Variants in R3HCC1L observed in about 807,000 individuals in gnomAD.
The protein encoded by R3HCC1L is coiled-coil domain-containing protein R3HCC1L.
In R3HCC1L, 51 loss-of-function variants were observed where a neutral mutation model predicts 59.9. The observed-to-expected ratio is 0.85, with a 90% confidence interval of 0.68 to 1.07. The LOEUF (loss-of-function observed/expected upper bound fraction) is 1.07, where lower values mean the gene tolerates loss of function less well. R3HCC1L is among the 50% of genes least tolerant of loss of function. The pLI is 0.00. For missense variants in R3HCC1L, 965 were observed against 933.0 expected (o/e 1.03, Z -0.45); for synonymous variants, 322 against 315.2 (o/e 1.02, Z -0.23).
chr10:98,230,258 A>C (rs1255028944), intron 5 of R3HCC1L, among the ~76,000 whole-genome samples: 6 of 152,050 alleles, frequency 3.9e-5, no homozygotes, highest in African/African-American at 1.4e-4. Flanking sequence ...TCAATTTCAG[A>C]TCCTGTTATT....
rs371662883 is a variant in R3HCC1L, at chr10:98,159,465, G to A, written c.-213+3318G>A. Among the ~76,000 whole-genome samples the A allele has an allele frequency of 3.3e-5, 5 of 152,226 alleles. No individual in the cohort carries two copies. In the South Asian group the frequency reaches 1.0e-3, roughly 32 times the overall value. Reference sequence around the variant, plus strand: ...TTTAAAGTATTTTGTGTAAAAATACGTAGATACTTGGTAAATATCCTGTCA... The same window carrying A: ...TTTAAAGTATTTTGTGTAAAAATACATAGATACTTGGTAAATATCCTGTCA... On this transcript the variant is annotated intron_variant, in intron 2 of 9. Transcript: ENST00000298999.
chr10:98,211,004 A>G (rs1033992541), intron 5 of R3HCC1L, among the ~76,000 whole-genome samples: 1 of 152,232 alleles, frequency 6.6e-6, no homozygotes, highest in Non-Finnish European at 1.5e-5. Flanking sequence ...CTGTTTGCAC[A>G]GAAAGAATTT....
chr10:98,149,923 C>T (rs1303275509), intron 1 of R3HCC1L, among the ~76,000 whole-genome samples: 2 of 152,068 alleles, frequency 1.3e-5, no homozygotes, highest in African/African-American at 2.4e-5. Flanking sequence ...GTTGAAGACC[C>T]CTATTGTTAC....
At chr10:98,160,820 C>G (rs1455514820) in intron 2 of R3HCC1L, among the ~76,000 whole-genome samples, 1 of 152,198 alleles carries the variant, frequency 6.6e-6, no homozygotes, top group African/African-American at 2.4e-5. Flanking sequence ...TTACCAATCT[C>G]ATGATTCCAC....
Position 98,235,515 on chromosome 10 carries a change from A to C in R3HCC1L, c.2123A>C (p.Tyr708Ser). 4.3e-6 allele frequency: 7 copies of C among 1,610,128 alleles called. No homozygotes were observed. The highest frequency in any genetic ancestry group is 5.9e-6 in the Non-Finnish European group (7 of 1,177,626). Residue 708 changes from tyrosine (Y) to serine (S), a missense_variant, in exon 8 of 10, where the codon TAT (tyrosine) becomes TCT (serine). Physicochemically the swap from Tyr to Ser is moderately radical, Grantham distance 144. Transcript: ENST00000298999. ...GCAGCCAAGGCCAAAGCTAGAGCTT[A>C]TGCTGGTGAGTCTATAATCTCTGGG... The part of the protein sequence containing the change: ...TRAAKAKARA[Y>S]AEFLQPAKER...
At chr10:98,141,032 G>A (rs1438259848) in intron 1 of R3HCC1L, among the ~76,000 whole-genome samples, 1 of 151,130 alleles carries the variant, frequency 6.6e-6, no homozygotes, top group African/African-American at 2.4e-5. Flanking sequence ...TTTTTTCCCA[G>A]TCTTCTTTTT....
chr10:98,147,921 G>T (rs1331103841), intron 1 of R3HCC1L, among the ~76,000 whole-genome samples: 1 of 151,906 alleles, frequency 6.6e-6, no homozygotes, highest in Non-Finnish European at 1.5e-5. Context: ...TAATTTTTTT[G>T]ATTGTTTTTC....
At chr10:98,151,616 C>A (rs1846166895) in intron 1 of R3HCC1L, among the ~76,000 whole-genome samples, 1 of 151,996 alleles carries the variant, frequency 6.6e-6, no homozygotes, top group Non-Finnish European at 1.5e-5. Flanking sequence ...AATTGGAGCT[C>A]AATAGATGAG....
intron 4 of R3HCC1L, among the ~76,000 whole-genome samples, chr10:98,187,500 A>G (rs1850337219): frequency 1.3e-5 from 2 of 152,276 alleles, no homozygotes; most frequent in Admixed American, 6.5e-5. Flanking sequence ...GTAAAAATAC[A>G]GAGTATCAAT....
chr10:98,228,942 T>C (rs1022896738), intron 5 of R3HCC1L, among the ~76,000 whole-genome samples: 22 of 152,218 alleles, frequency 1.4e-4, no homozygotes, highest in African/African-American at 5.3e-4. Flanking sequence ...CATTGGCCTG[T>C]ATCTCTGTTT....
chr10:98,182,448 C>T (rs560560796), intron 4 of R3HCC1L, among the ~76,000 whole-genome samples: 41 of 152,236 alleles, frequency 2.7e-4, no homozygotes, highest in African/African-American at 6.5e-4. Context: ...AGGTGTCAGT[C>T]GGCCCCTCCT....
chr10:98,168,269 G>C (rs1308564687), intron 4 of R3HCC1L, among the ~76,000 whole-genome samples: 1 of 152,152 alleles, frequency 6.6e-6, no homozygotes, highest in Non-Finnish European at 1.5e-5. Context: ...TTTTGAGGTG[G>C]TCAATAATAG....
At chr10:98,166,000 C>T (rs898394342) in intron 4 of R3HCC1L, among the ~76,000 whole-genome samples, 6 of 152,294 alleles carry the variant, frequency 3.9e-5, no homozygotes, top group Admixed American at 3.3e-4. Context: ...GGTGAAACCC[C>T]ATCTCTACTA....
intron 5 of R3HCC1L, among the ~76,000 whole-genome samples, chr10:98,222,585 A>C (rs1855143104): frequency 6.6e-6 from 1 of 152,136 alleles, no homozygotes; most frequent in Non-Finnish European, 1.5e-5. Context: ...AGTTTTTAGC[A>C]TGAAGGGTTG....
intron 4 of R3HCC1L, among the ~76,000 whole-genome samples, chr10:98,193,834 A>C (rs1400963408): frequency 7.2e-5 from 11 of 152,160 alleles, no homozygotes; most frequent in Admixed American, 3.3e-4. Context: ...CTGTACAAGA[A>C]GACCAATATT....
intron 1 of R3HCC1L, 86 bp from the exon 2 acceptor site, chr10:98,156,007 G>A (rs563381726): frequency 1.3e-5 from 2 of 151,000 alleles, no homozygotes; most frequent in African/African-American, 2.4e-5. Flanking sequence ...ATAGCCCCTC[G>A]GTGCAGTTTT....
In R3HCC1L at chr10:98,235,906, AC is replaced by A. The variant is rs1238767813; in HGVS notation, c.2129-117del. 67 of 1,156,778 alleles carry A rather than the reference AC, an allele frequency of 5.8e-5. 1 individual carries two copies. The highest frequency in any genetic ancestry group is 7.3e-5 in the Non-Finnish European group (60 of 820,178). 71.7% of individuals were successfully genotyped at this position (1,156,778 alleles called of 1,614,324 possible). ...ATCATCTATCAGACTTGTATTAATT[AC>A]TGCTGATGCAGCCCTTGTTAGTCTA... On this transcript the variant is annotated intron_variant, in intron 8 of 9. Transcript: ENST00000298999.
chr10:98,215,404 A>AT lies in R3HCC1L; in HGVS notation c.1785+5514dup, dbSNP rs67887074. Among the ~76,000 whole-genome samples the AT allele has an allele frequency of 3.0e-3, 463 of 151,846 alleles. 2 individuals are homozygous for AT. Among genetic ancestry groups the AT allele is most frequent in the African/African-American group, 8.8e-3 (363 of 41,430 alleles). ...AAACAACTCTCCTAATTAGACATAA[A>AT]TTTTTTTTTATCATATTTCATCTTC... On this transcript the variant is annotated intron_variant, in intron 5 of 9. Coordinates refer to ENST00000298999, the MANE Select transcript of R3HCC1L (RefSeq NM_001351015.2).
chr10:98,230,500 A>G (rs919406748), intron 5 of R3HCC1L, among the ~76,000 whole-genome samples: 3 of 151,988 alleles, frequency 2.0e-5, no homozygotes, highest in Non-Finnish European at 2.9e-5. Flanking sequence ...TGGTCTATCA[A>G]TTTTGTTGAT....
Sources: gnomAD v4.1 joint callset for allele counts (sites outside exome capture counted in the v4.1 genomes callset) on GRCh38, gnomAD v4.1.1 for gene constraint, MANE v1.5 for transcripts, NCBI Gene and HGNC (gene_info 2026-07-23, HGNC 2026-07-21) for gene names.